CCDC57: variants seen among roughly 807,000 people sequenced by gnomAD.
CCDC57 encodes coiled-coil domain-containing protein 57.
A neutral mutation model predicts 118.9 loss-of-function variants in CCDC57; 118 were observed. The observed-to-expected ratio is 0.99, with a 90% CI of 0.86 to 1.16. The LOEUF is 1.16. Ranked by LOEUF, CCDC57 falls within the 50% of genes most tolerant of loss-of-function variation. The pLI, the probability that CCDC57 is intolerant of heterozygous loss-of-function variation, is 0.00. For missense variants in CCDC57, 1,300 were observed against 1,320.7 expected, an observed-to-expected ratio of 0.98 and a Z score of 0.24; for synonymous variants, 527 against 532.9, an observed-to-expected ratio of 0.99 and a Z score of 0.15.
At chr17:82,109,190 G>C (rs1208143756) in intron 19 of CCDC57, among the ~76,000 whole-genome samples, 1 of 152,224 alleles carries the variant, frequency 6.6e-6, no homozygotes, top group Non-Finnish European at 1.5e-5. Context: ...AGCCATAAGA[G>C]AGCAAGACAT....
At position 82,168,792 on chromosome 17, in the gene CCDC57, TAA is replaced by T. The variant is rs57467852; in HGVS notation, c.1882+2907_1882+2908del. Among the ~76,000 whole-genome samples, 112 of 144,762 alleles carry T rather than the reference TAA, an allele frequency of 7.7e-4. 1 individual carries two copies. In the East Asian group the frequency reaches 0.016, roughly 20 times the overall value. 95.0% of individuals were successfully genotyped at this position (144,762 alleles called of 152,430 possible). ...GTAACAATATAAGGGTCAATTATCCTAAAAAAAAAAAACCCTAAATGTATACA... is the reference window on the plus strand; with the variant it reads ...GTAACAATATAAGGGTCAATTATCCTAAAAAAAAAACCCTAAATGTATACA... On this transcript the variant is annotated intron_variant, in intron 13 of 19. Coordinates refer to ENST00000665763, the Ensembl canonical transcript of CCDC57.
At chr17:82,140,519 C>T (rs2039878043) in intron 16 of CCDC57, among the ~76,000 whole-genome samples, 1 of 152,200 alleles carries the variant, frequency 6.6e-6, no homozygotes. Context: ...CCGTGCCCGG[C>T]CAGGGATATC....
intron 3 of CCDC57, 78 bp from the exon 3 acceptor site, chr17:82,198,500 C>A (rs2048566470): frequency 9.9e-7 from 1 of 1,006,684 alleles, no homozygotes; most frequent in African/African-American, 1.6e-5. Flanking sequence ...GTGCACTTGA[C>A]ATGTGAAAGT....
chr17:82,134,004 T>C, intron 17 of CCDC57, 69 bp downstream of exon 16: 1 of 1,286,322 alleles, frequency 7.8e-7, no homozygotes, highest in Non-Finnish European at 1.0e-6. Context: ...ATCTGAAGTT[T>C]CTGTAATGAA....
chr17:82,130,254 C>T (rs9889666), intron 17 of CCDC57, among the ~76,000 whole-genome samples: 4 of 151,432 alleles, frequency 2.6e-5, no homozygotes, highest in East Asian at 2.0e-4. Context: ...AGTGCAGTGG[C>T]GTGATCTCAG....
At chr17:82,153,994 C>G (rs1455888533) in intron 15 of CCDC57, 1 of 152,608 alleles carries the variant, frequency 6.6e-6, no homozygotes, top group East Asian at 1.9e-4. Context: ...GCTCACCGCC[C>G]CACACAGCCA....
rs531479123 is a variant in CCDC57, at chr17:82,130,813, T to G, written c.2578-2216A>C. On this transcript the variant is annotated intron_variant, in intron 17 of 19. Transcript: ENST00000665763. The stretch of plus-strand genomic sequence containing the variant: ...GCCACCACGCCCAGCTCCTTTTTTT[T>G]GGGGGGGTGGGGGTGGGGGACGGAG... 9.9e-3 allele frequency among the ~76,000 whole-genome samples: 1,394 copies of G among 140,498 alleles called. 16 individuals are homozygous for G. Among genetic ancestry groups the G allele is most frequent in the African/African-American group, 0.033 (1,298 of 38,940 alleles). 92.2% of individuals were successfully genotyped at this position (140,498 alleles called of 152,430 possible).
intron 16 of CCDC57, among the ~76,000 whole-genome samples, chr17:82,137,407 G>C (rs2039366111): frequency 6.6e-6 from 1 of 152,206 alleles, no homozygotes; most frequent in Non-Finnish European, 1.5e-5. Flanking sequence ...CAGCAAAGGT[G>C]CTGTCTTACC....
At chr17:82,128,653 T>C (rs2037850597) in intron 17 of CCDC57, 56 bp from the exon 17 acceptor site, 3 of 1,343,088 alleles carry the variant, frequency 2.2e-6, no homozygotes, top group Non-Finnish European at 3.1e-6. Context: ...TGATGGTGCA[T>C]GTCAGTGAGT....
intron 19 of CCDC57, among the ~76,000 whole-genome samples, chr17:82,115,055 G>T (rs890188815): frequency 2.6e-5 from 4 of 152,234 alleles, no homozygotes; most frequent in African/African-American, 9.6e-5. Context: ...TGGGCACCTA[G>T]TACCTTCTCT....
At chr17:82,141,607 T>C (rs937582991) in intron 16 of CCDC57, among the ~76,000 whole-genome samples, 1 of 152,318 alleles carries the variant, frequency 6.6e-6, no homozygotes, top group East Asian at 1.9e-4. Flanking sequence ...CCTATGGAAA[T>C]AACCAAGCCA....
intron 4 of CCDC57, among the ~76,000 whole-genome samples, chr17:82,195,661 G>C (rs551157361): frequency 5.3e-4 from 80 of 152,168 alleles, no homozygotes; most frequent in African/African-American, 1.8e-3. Flanking sequence ...TCTCCATTGA[G>C]TCAATTCTAC....
At chr17:82,178,919 A>T in intron 10 of CCDC57, 108 bp downstream of exon 9, 1 of 1,223,310 alleles carries the variant, frequency 8.2e-7, no homozygotes, top group Non-Finnish European at 1.1e-6. Context: ...AGTGAGGTTT[A>T]GTGTTTTCAA....
intron 2 of CCDC57, among the ~76,000 whole-genome samples, chr17:82,204,521 T>C (rs979964040): frequency 2.6e-5 from 4 of 152,192 alleles, no homozygotes; most frequent in African/African-American, 7.2e-5. Flanking sequence ...CAGTGGCTCA[T>C]GCCTGTAATC....
intron 5 of CCDC57, 163 bp from the exon 5 acceptor site, chr17:82,194,302 T>A: frequency 3.1e-6 from 2 of 639,318 alleles, no homozygotes; most frequent in Non-Finnish European, 4.9e-6. Flanking sequence ...CAAACGAGAC[T>A]CAATGACTTT....
rs2047762361 is a variant in CCDC57 at position 82,192,269 on chromosome 17, G to A, written c.851+1487C>T. Among the ~76,000 whole-genome samples, 1 of 152,148 alleles carries A rather than the reference G, an allele frequency of 6.6e-6. No homozygotes were observed. ...CAAAGTGCTGTGTGATTATTTTAAT[G>A]ACATTTTCTTTCCTCTAGCTAGCAT... On this transcript the variant is annotated intron_variant, in intron 7 of 19. Coordinates refer to ENST00000665763, the Ensembl canonical transcript of CCDC57. The surrounding 1 kb of genome is among the most constrained non-coding windows in gnomAD (Gnocchi z 4.0).
At chr17:82,131,273 A>C (rs2038325595) in intron 17 of CCDC57, among the ~76,000 whole-genome samples, 1 of 151,650 alleles carries the variant, frequency 6.6e-6, no homozygotes, top group Non-Finnish European at 1.5e-5. Flanking sequence ...TCTATCAAAA[A>C]TACAAAAATT....
intron 8 of CCDC57, among the ~76,000 whole-genome samples, chr17:82,186,435 C>A (rs2046929409): frequency 6.6e-6 from 1 of 152,160 alleles, no homozygotes; most frequent in Non-Finnish European, 1.5e-5. Flanking sequence ...CCCCTCTCAC[C>A]CCGTATACCG....
At chr17:82,185,224 T>C (rs1437339785) in intron 8 of CCDC57, 3 of 152,324 alleles carry the variant, frequency 2.0e-5, no homozygotes, top group African/African-American at 7.2e-5. Context: ...GAAGCCAAGG[T>C]GGAAGGATCA....
Sources: allele counts gnomAD v4.1 joint callset (sites outside exome capture counted in the v4.1 genomes callset), GRCh38; gene constraint gnomAD v4.1.1; non-coding constraint Gnocchi (gnomAD v3.1); transcripts MANE v1.5; gene names NCBI Gene and HGNC (gene_info 2026-07-23, HGNC 2026-07-21).